The following KCNAB1 variants were observed in gnomAD, a reference collection of about 807,000 sequenced individuals.
The protein encoded by KCNAB1 is voltage-gated potassium channel subunit beta-1.
KCNAB1 carries 35 observed loss-of-function variants against 64.6 expected under a neutral mutation model. That is an observed-to-expected ratio of 0.54 (90% CI 0.41 to 0.72). The LOEUF (loss-of-function observed/expected upper bound fraction) is 0.72. Among genes scored for constraint, KCNAB1 ranks in the 30% least tolerant of loss-of-function variants. The pLI is 0.00. For missense variants in KCNAB1, 401 were observed against 512.9 expected (o/e 0.78, Z 2.11); for synonymous variants, 177 against 183.8 (o/e 0.96, Z 0.30).
intron 1 of KCNAB1, among the ~76,000 whole-genome samples, chr3:156,213,780 GAC>G (rs1256625611): frequency 3.3e-5 from 5 of 152,150 alleles, no homozygotes; most frequent in South Asian, 2.1e-4. Flanking sequence ...CCCAGTTCCT[GAC>G]ACAGAGGTCC....
chr3:156,158,179 A>AAAT (rs1715853682), intron 1 of KCNAB1, among the ~76,000 whole-genome samples: 2 of 60,662 alleles, frequency 3.3e-5, no homozygotes, highest in African/African-American at 9.2e-5. Flanking sequence ...AAAAAAATAA[A>AAAT]AAATAAATAA....
rs1423254710 is a variant in KCNAB1 at position 156,292,666 on chromosome 3, T to C, written c.276-128950T>C. Among the ~76,000 whole-genome samples the C allele has an allele frequency of 3.3e-5, 5 of 152,234 alleles. No individual in the cohort carries two copies. The East Asian group carries it at 9.7e-4, about 29-fold the overall frequency. ...AAGCGATTCTCCTGCCTTAACCTCC[T>C]GAGTAGCTGGAATTACAGGCACCTG... On this transcript the variant is annotated intron_variant, in intron 1 of 13. Transcript: ENST00000490337.
chr3:156,427,448 G>GA (rs1715895157), intron 2 of KCNAB1, among the ~76,000 whole-genome samples: 1 of 152,226 alleles, frequency 6.6e-6, no homozygotes, highest in African/African-American at 2.4e-5. Flanking sequence ...TGCTCCCTGA[G>GA]AGCAGGGACT....
chr3:156,525,443 A>G (rs543642044), intron 12 of KCNAB1, among the ~76,000 whole-genome samples: 5 of 152,310 alleles, frequency 3.3e-5, no homozygotes, highest in Middle Eastern at 3.4e-3. Flanking sequence ...TAAAGAAAAT[A>G]CTTTTGTACA....
In KCNAB1 at chr3:156,502,532, C is replaced by CCACACACA. The variant is rs60469602; in HGVS notation, c.659-11797_659-11790dup. Among the ~76,000 whole-genome samples the CCACACACA allele has an allele frequency of 1.1e-3, 159 of 142,904 alleles. 1 individual carries two copies. Among genetic ancestry groups the CCACACACA allele is most frequent in the African/African-American group, 3.6e-3 (141 of 38,970 alleles). The allele number at this position is 142,904 out of a possible 152,430, so 93.8% of individuals were successfully genotyped here. On this transcript the variant is annotated intron_variant, in intron 8 of 13. Coordinates refer to ENST00000490337, the MANE Select transcript of KCNAB1 (RefSeq NM_172160.3). ...ATGAAACCAGATCCCTACCTTACAACCACACACACACACACACACACACAC... is the reference window on the plus strand; with the variant it reads ...ATGAAACCAGATCCCTACCTTACAACCACACACACACACACACACACACACACACACAC...
intron 1 of KCNAB1, among the ~76,000 whole-genome samples, chr3:156,164,426 C>T (rs1355283776): frequency 6.6e-6 from 1 of 152,076 alleles, no homozygotes; most frequent in Non-Finnish European, 1.5e-5. Flanking sequence ...CCCTACATGC[C>T]CCTGTTTTTA....
intron 1 of KCNAB1, among the ~76,000 whole-genome samples, chr3:156,336,436 T>C (rs1723718777): frequency 6.6e-6 from 1 of 152,208 alleles, no homozygotes; most frequent in Non-Finnish European, 1.5e-5. Flanking sequence ...AGTTTCATAA[T>C]GTATGGAGAA....
intron 2 of KCNAB1, among the ~76,000 whole-genome samples, chr3:156,435,151 C>T (rs1716503084): frequency 6.6e-6 from 1 of 152,116 alleles, no homozygotes; most frequent in South Asian, 2.1e-4. Context: ...ATCTAGAAGC[C>T]CCAGGGAAAA....
intron 12 of KCNAB1, among the ~76,000 whole-genome samples, chr3:156,529,819 T>C (rs138398566): frequency 2.0e-5 from 3 of 152,232 alleles, no homozygotes; most frequent in East Asian, 3.9e-4. Context: ...CCAAATGTGA[T>C]TGGGAATGCA....
chr3:156,182,259 C>G (rs543621592), intron 1 of KCNAB1, among the ~76,000 whole-genome samples: 202 of 152,204 alleles, frequency 1.3e-3, no homozygotes, highest in African/African-American at 4.7e-3. Context: ...AACTCACAGG[C>G]CCTGCTCCTA....
intron 1 of KCNAB1, chr3:156,291,610 G>A: frequency 1.6e-6 from 2 of 1,287,434 alleles, no homozygotes; most frequent in Non-Finnish European, 2.0e-6. Context: ...TTAATCAGCC[G>A]AGATTACAGC....
intron 1 of KCNAB1, among the ~76,000 whole-genome samples, chr3:156,195,736 T>C (rs193084302): frequency 7.2e-5 from 11 of 152,340 alleles, no homozygotes; most frequent in Non-Finnish European, 1.2e-4. Context: ...ATTCTGTAGA[T>C]TGCCTGTTCA....
At chr3:156,299,228 C>A (rs1576693851) in intron 1 of KCNAB1, among the ~76,000 whole-genome samples, 1 of 152,226 alleles carries the variant, frequency 6.6e-6, no homozygotes, top group African/African-American at 2.4e-5. Flanking sequence ...GCACATGCAA[C>A]ACTTCTAGAA....
At chr3:156,264,323 G>A (rs1233509135) in intron 1 of KCNAB1, among the ~76,000 whole-genome samples, 1 of 151,538 alleles carries the variant, frequency 6.6e-6, no homozygotes, top group Admixed American at 6.6e-5. Flanking sequence ...GCATATAGTT[G>A]GATCTTGATT....
At chr3:156,421,404 T>C (rs1026957701) in intron 1 of KCNAB1, among the ~76,000 whole-genome samples, 1 of 152,248 alleles carries the variant, frequency 6.6e-6, no homozygotes, top group African/African-American at 2.4e-5. Context: ...GAGGGACATT[T>C]TCTGTGCTGC....
chr3:156,233,744 C>A (rs141980833), intron 1 of KCNAB1, among the ~76,000 whole-genome samples: 3 of 152,056 alleles, frequency 2.0e-5, no homozygotes, highest in South Asian at 4.2e-4. Context: ...GGCTCTGGAT[C>A]TCTCTTCAGT....
At chr3:156,411,132 C>T (rs1041021937) in intron 1 of KCNAB1, among the ~76,000 whole-genome samples, 6 of 152,132 alleles carry the variant, frequency 3.9e-5, no homozygotes, top group Non-Finnish European at 8.8e-5. Context: ...TTATCTTACA[C>T]TTTCTAATAA....
At chr3:156,536,555 T>C (rs1385887940) in intron 13 of KCNAB1, 103 bp from the exon 14 acceptor site, 4 of 802,984 alleles carry the variant, frequency 5.0e-6, no homozygotes, top group Non-Finnish European at 8.7e-6. Flanking sequence ...CTGTGGTTTA[T>C]GAAGATATAT....
chr3:156,326,478 G>C (rs776904966), intron 1 of KCNAB1, among the ~76,000 whole-genome samples: 1 of 152,104 alleles, frequency 6.6e-6, no homozygotes, highest in Non-Finnish European at 1.5e-5. Flanking sequence ...TAATGGCAAG[G>C]AATGGGATTC....
Sources: gnomAD v4.1 joint callset for allele counts (sites outside exome capture counted in the v4.1 genomes callset) on GRCh38, gnomAD v4.1.1 for gene constraint, MANE v1.5 for transcripts, NCBI Gene and HGNC (gene_info 2026-07-23, HGNC 2026-07-21) for gene names.